ADGRL2: variants seen among roughly 807,000 people sequenced by gnomAD.
ADGRL2 encodes the protein adhesion G protein-coupled receptor L2.
A neutral mutation model predicts 157.4 loss-of-function variants in ADGRL2; 44 were observed. The observed-to-expected ratio is 0.28, with a 90% CI of 0.22 to 0.36. The LOEUF (loss-of-function observed/expected upper bound fraction) is 0.36. Among genes scored for constraint, ADGRL2 ranks in the 10% least tolerant of loss-of-function variants. The pLI is 1.00. For synonymous variants in ADGRL2, 585 were observed against 624.7 expected, an observed-to-expected ratio of 0.94 and a Z score of 0.95; for missense variants, 1,510 against 1,768.9, an observed-to-expected ratio of 0.85 and a Z score of 2.63.
At chr1:81,881,956 A>T (rs1448703004) in intron 2 of ADGRL2, among the ~76,000 whole-genome samples, 1 of 152,150 alleles carries the variant, frequency 6.6e-6, no homozygotes, top group Non-Finnish European at 1.5e-5. Context: ...AATTGCTAGA[A>T]ATCACACACC....
intron 3 of ADGRL2, among the ~76,000 whole-genome samples, chr1:81,914,293 A>C (rs950815519): frequency 6.6e-6 from 1 of 152,160 alleles, no homozygotes; most frequent in African/African-American, 2.4e-5. Context: ...AGGTTACAAT[A>C]AACTGTAAAC....
chr1:81,438,713 T>A (rs2077454107), intron 1 of ADGRL2, among the ~76,000 whole-genome samples: 1 of 152,156 alleles, frequency 6.6e-6, no homozygotes, highest in East Asian at 1.9e-4. Context: ...ATGACCTGGG[T>A]TTCCTTTTGG....
At chr1:81,394,865 A>G (rs1302164597) in intron 1 of ADGRL2, among the ~76,000 whole-genome samples, 1 of 151,512 alleles carries the variant, frequency 6.6e-6, no homozygotes, top group East Asian at 1.9e-4. Flanking sequence ...CATTTGTTAT[A>G]TTTTGTCTCT....
intron 1 of ADGRL2, among the ~76,000 whole-genome samples, chr1:81,431,312 G>GA (rs1461463390): frequency 2.6e-5 from 4 of 151,712 alleles, no homozygotes; most frequent in Non-Finnish European, 5.9e-5. Flanking sequence ...GTATAACAAA[G>GA]AAACCCCACT....
At chr1:81,827,168 T>C (rs950440945) in intron 1 of ADGRL2, among the ~76,000 whole-genome samples, 5 of 152,186 alleles carry the variant, frequency 3.3e-5, no homozygotes, top group Non-Finnish European at 5.9e-5. Flanking sequence ...TGGAATAAGA[T>C]TGGTGATGTT....
At chr1:81,934,293 T>C (rs935853283) in intron 3 of ADGRL2, among the ~76,000 whole-genome samples, 3 of 152,028 alleles carry the variant, frequency 2.0e-5, no homozygotes, top group East Asian at 1.9e-4. Context: ...TTTTTTATTA[T>C]GGTGTTGGTC....
intron 2 of ADGRL2, among the ~76,000 whole-genome samples, chr1:81,567,138 C>T (rs2080580663): frequency 6.6e-6 from 1 of 152,030 alleles, no homozygotes; most frequent in South Asian, 2.1e-4. Context: ...GAGCTAACAG[C>T]TAAGATAATT....
chr1:81,505,134 G>A (rs1297825827), intron 2 of ADGRL2: 19 of 445,864 alleles, frequency 4.3e-5, no homozygotes, highest in South Asian at 3.7e-4. Context: ...ACCTCAGCCC[G>A]GTAAGCTGCA....
chr1:81,448,299 C>G (rs1232840235), intron 2 of ADGRL2, among the ~76,000 whole-genome samples: 2 of 151,666 alleles, frequency 1.3e-5, no homozygotes, highest in Non-Finnish European at 2.9e-5. Context: ...GTATACGCCA[C>G]CACACCCAAC....
intron 6 of ADGRL2, among the ~76,000 whole-genome samples, chr1:81,948,304 C>T (rs929661631): frequency 1.3e-5 from 2 of 151,140 alleles, no homozygotes; most frequent in Non-Finnish European, 2.9e-5. Context: ...TAGAATGTTG[C>T]ATGAAATTTT....
intron 1 of ADGRL2, among the ~76,000 whole-genome samples, chr1:81,322,879 A>AC (rs1660626038): frequency 6.6e-6 from 1 of 152,066 alleles, no homozygotes; most frequent in Non-Finnish European, 1.5e-5. Context: ...GTTTGTTGAG[A>AC]CACGGCCTCA....
rs563960242 is a variant in ADGRL2, at chr1:81,512,454, C to T, written c.-248+67365C>T. On this transcript the variant is annotated intron_variant, in intron 2 of 24. Coordinates refer to the ADGRL2 transcript ENST00000370721. Reference sequence around the variant, plus strand: ...GCAGTTCTGTGTAGTTGCTGGAATGCGGCCAATGTGCCATATTTGCTTCAT... The same window carrying T: ...GCAGTTCTGTGTAGTTGCTGGAATGTGGCCAATGTGCCATATTTGCTTCAT... Among the ~76,000 whole-genome samples the T allele has an allele frequency of 9.9e-5, 15 of 152,150 alleles. No individual in the cohort carries two copies. The South Asian group carries it at 2.1e-3, about 21-fold the overall frequency.
chr1:81,554,017 A>G (rs1296527571), intron 2 of ADGRL2, among the ~76,000 whole-genome samples: 1 of 152,200 alleles, frequency 6.6e-6, no homozygotes. Context: ...AGAATATGGG[A>G]AATATTCTTC....
Position 81,590,377 on chromosome 1 carries a change from A to G in ADGRL2, c.-143+9397A>G, listed in dbSNP as rs543336683. Among the ~76,000 whole-genome samples the G allele has an allele frequency of 1.4e-3, 213 of 152,128 alleles. 1 individual carries two copies. Among genetic ancestry groups the G allele is most frequent in the African/African-American group, 4.7e-3 (196 of 41,516 alleles). On this transcript the variant is annotated intron_variant, in intron 3 of 24. Transcript: ENST00000370721. ...TCACATAGTAACCATTTCCATGGAT[A>G]GCTTAGGACAGTTCCCACGCCCACC...
At chr1:81,519,998 T>A (rs537224417) in intron 2 of ADGRL2, among the ~76,000 whole-genome samples, 4 of 152,316 alleles carry the variant, frequency 2.6e-5, no homozygotes, top group Middle Eastern at 3.4e-3. Flanking sequence ...CTTCCTCAAG[T>A]CTTTTTTAAT....
At chr1:81,941,745 A>G (rs1309757099) in intron 4 of ADGRL2, among the ~76,000 whole-genome samples, 1 of 151,804 alleles carries the variant, frequency 6.6e-6, no homozygotes, top group Non-Finnish European at 1.5e-5. Context: ...GAAGAGTTTC[A>G]TTATTTATTC....
At chr1:81,356,971 A>AAAAAAAAAAAAAAAAAAAAAGAAG (rs80327519) in intron 1 of ADGRL2, among the ~76,000 whole-genome samples, 10 of 99,308 alleles carry the variant, frequency 1.0e-4, no homozygotes, top group Non-Finnish European at 1.6e-4. Context: ...AAAAAAAAAA[A>AAAAAAAAAAAAAAAAAAAAAGAAG]AAGAAGTTGT....
At chr1:81,966,322 T>C in intron 12 of ADGRL2, 82 bp from the exon 13 acceptor site, 1 of 1,521,450 alleles carries the variant, frequency 6.6e-7, no homozygotes, top group Non-Finnish European at 9.0e-7. Flanking sequence ...GCCTTAGGAC[T>C]TCATCATTTT....
intron 1 of ADGRL2, among the ~76,000 whole-genome samples, chr1:81,392,648 G>T (rs763763865): frequency 1.3e-5 from 2 of 152,134 alleles, no homozygotes; most frequent in Non-Finnish European, 2.9e-5. Flanking sequence ...ATATTATTAA[G>T]AGACCATGCC....
Sources: allele counts gnomAD v4.1 joint callset (sites outside exome capture counted in the v4.1 genomes callset), GRCh38; gene constraint gnomAD v4.1.1; transcripts MANE v1.5; gene names NCBI Gene and HGNC (gene_info 2026-07-23, HGNC 2026-07-21).